The following IGF1R variants were observed in gnomAD, a reference collection of about 807,000 sequenced individuals.
The protein encoded by IGF1R is insulin like growth factor 1 receptor, also known as insulin-like growth factor 1 receptor.
Under a neutral mutation model 144.6 loss-of-function variants are expected in IGF1R, and 44 were observed. That is an observed-to-expected ratio of 0.30 (90% CI 0.24 to 0.39). IGF1R has a LOEUF of 0.39. IGF1R is among the 10% of genes least tolerant of loss of function. IGF1R has a pLI of 1.00. For missense variants in IGF1R, 1,355 were observed against 1,833.7 expected, an observed-to-expected ratio of 0.74 and a Z score of 4.77; for synonymous variants, 795 against 722.8, an observed-to-expected ratio of 1.10 and a Z score of -1.60.
chr15:98,648,545 T>G lies in IGF1R; in HGVS notation c.-1037T>G, dbSNP rs1481150561. On this transcript the variant is annotated 5_prime_UTR_variant, in exon 1 of 21. Transcript: ENST00000650285. ...CGCGCGCGCGCGAGCCCCCAGTGTGTGGCAGCGGCGGCGGCGGCGCGGCGA... is the reference window on the plus strand; with the variant it reads ...CGCGCGCGCGCGAGCCCCCAGTGTGGGGCAGCGGCGGCGGCGGCGCGGCGA... Among the ~76,000 whole-genome samples the G allele has an allele frequency of 1.1e-4, 16 of 142,690 alleles. No individual in the cohort carries two copies. Among genetic ancestry groups the G allele is most frequent in the Admixed American group, 1.1e-3 (16 of 14,572 alleles). The allele number at this position is 142,690 out of a possible 152,430, so 93.6% of individuals were successfully genotyped here.
intron 2 of IGF1R, among the ~76,000 whole-genome samples, chr15:98,750,959 TTG>T (rs537594000): frequency 0.01 from 1,542 of 151,288 alleles, 25 homozygotes; most frequent in Non-Finnish European, 0.012. Flanking sequence ...CAGCTAATTT[TTG>T]TGTTTTTTTT....
At chr15:98,753,076 C>T (rs1369865612) in intron 2 of IGF1R, among the ~76,000 whole-genome samples, 2 of 151,756 alleles carry the variant, frequency 1.3e-5, no homozygotes, top group African/African-American at 2.4e-5. Context: ...GCTAGGACTA[C>T]AGGCACGTGC....
At chr15:98,651,346 T>TG (rs747478752) in intron 1 of IGF1R, among the ~76,000 whole-genome samples, 2 of 152,244 alleles carry the variant, frequency 1.3e-5, no homozygotes, top group Non-Finnish European at 2.9e-5. Context: ...TCCACAGATC[T>TG]GGGCTCTCCT....
At chr15:98,736,244 G>A (rs1395205614) in intron 2 of IGF1R, among the ~76,000 whole-genome samples, 1 of 152,144 alleles carries the variant, frequency 6.6e-6, no homozygotes, top group African/African-American at 2.4e-5. Context: ...AATTACATTT[G>A]CTCTGAAAAG....
At chr15:98,795,379 C>CACACA (rs1481268711) in intron 2 of IGF1R, among the ~76,000 whole-genome samples, 2 of 151,766 alleles carry the variant, frequency 1.3e-5, no homozygotes. Context: ...ATTAGATTAG[C>CACACA]ATTATTATGT....
intron 20 of IGF1R, among the ~76,000 whole-genome samples, chr15:98,954,642 C>T (rs1023731948): frequency 5.9e-5 from 9 of 152,166 alleles, no homozygotes; most frequent in African/African-American, 1.4e-4. Flanking sequence ...TGTGGCACCT[C>T]CTCGGTCCCT....
At position 98,704,075 on chromosome 15, in the gene IGF1R, C is replaced by A. The variant is rs572608045; in HGVS notation, c.95-3487C>A. ...TTAGTGTCCCCAGGGGAAAAAAGAC[C>A]CTCCCGGCCCCCTTCAGCTGTGATG... On this transcript the variant is annotated intron_variant, in intron 1 of 20. Transcript: ENST00000650285. This position sits in a 1 kb window ranked among gnomAD's most constrained non-coding sequence, Gnocchi z 4.9. Among the ~76,000 whole-genome samples, 1 of 152,264 alleles carries A rather than the reference C, an allele frequency of 6.6e-6. No homozygotes were observed. The highest frequency in any genetic ancestry group is 1.9e-4 in the East Asian group (1 of 5,180).
chr15:98,715,366 G>A (rs553652902), intron 2 of IGF1R, among the ~76,000 whole-genome samples: 9 of 152,280 alleles, frequency 5.9e-5, no homozygotes, highest in Admixed American at 4.6e-4. Flanking sequence ...TAGGGATCTC[G>A]TCTAAGAGAC....
chr15:98,866,286 A>G (rs1347769756), intron 2 of IGF1R, among the ~76,000 whole-genome samples: 1 of 152,166 alleles, frequency 6.6e-6, no homozygotes, highest in African/African-American at 2.4e-5. Context: ...CCGTGTACCC[A>G]GTAAATGCAG....
In IGF1R at chr15:98,891,284, C is replaced by T; in HGVS notation, c.641-41C>T. The T allele has an allele frequency of 6.3e-7, 1 of 1,591,392 alleles. No homozygotes were observed. Among genetic ancestry groups the T allele is most frequent in the Non-Finnish European group, 8.5e-7 (1 of 1,173,012 alleles). ...CCAGGCCCAGAGAAGGCGGTGCCTC[C>T]CCTGCCCGGTCTCATCTCCGTCTCT... On this transcript the variant is annotated intron_variant, in intron 2 of 20. Transcript: ENST00000650285. The surrounding 1 kb of genome is among the most constrained non-coding windows in gnomAD (Gnocchi z 4.7).
intron 2 of IGF1R, among the ~76,000 whole-genome samples, chr15:98,815,980 G>A (rs2056688898): frequency 6.6e-6 from 1 of 152,164 alleles, no homozygotes; most frequent in Admixed American, 6.5e-5. Flanking sequence ...CCTTCCCTGT[G>A]TTCATTTCTG....
At chr15:98,875,120 G>GGCTCCGGGACGAGGAT (rs2012989317) in intron 2 of IGF1R, among the ~76,000 whole-genome samples, 1 of 151,916 alleles carries the variant, frequency 6.6e-6, no homozygotes, top group South Asian at 2.1e-4. Flanking sequence ...CCAGGTCCTC[G>GGCTCCGGGACGAGGAT]GCTCCGGGAC....
intron 1 of IGF1R, among the ~76,000 whole-genome samples, chr15:98,706,109 A>G (rs1048001285): frequency 2.0e-5 from 3 of 152,148 alleles, no homozygotes; most frequent in African/African-American, 7.2e-5. Flanking sequence ...TCACATCTAG[A>G]GTGGACTCGC....
chr15:98,676,145 A>T (rs984624628), intron 1 of IGF1R, among the ~76,000 whole-genome samples: 1 of 151,034 alleles, frequency 6.6e-6, no homozygotes, highest in Non-Finnish European at 1.5e-5. Flanking sequence ...ACTCTATTTT[A>T]TTAGTGTTTT....
chr15:98,750,790 G>GT (rs1308773442), intron 2 of IGF1R, among the ~76,000 whole-genome samples: 1 of 152,146 alleles, frequency 6.6e-6, no homozygotes, highest in Non-Finnish European at 1.5e-5. Context: ...TTTTCTTCTA[G>GT]TTTTTTGTTT....
At chr15:98,684,261 T>TAC (rs1555431504) in intron 1 of IGF1R, among the ~76,000 whole-genome samples, 1 of 68,850 alleles carries the variant, frequency 1.5e-5, no homozygotes, top group African/African-American at 1.0e-4. Context: ...TGGCAGCCTC[T>TAC]GATAGATCTT....
Position 98,707,441 on chromosome 15 carries a change from T to C in IGF1R, c.95-121T>C. The stretch of plus-strand genomic sequence containing the variant: ...AACCCACAGCTCTGCAGTGAACAAT[T>C]GAACCTCATTTCTTTAATAATAATA... On this transcript the variant is annotated intron_variant, in intron 1 of 20. Transcript: ENST00000650285. This position sits in a 1 kb window ranked among gnomAD's most constrained non-coding sequence, Gnocchi z 6.7. The C allele has an allele frequency of 9.5e-7, 1 of 1,052,460 alleles. No individual in the cohort carries two copies. Among genetic ancestry groups the C allele is most frequent in the Non-Finnish European group, 1.4e-6 (1 of 699,222 alleles). The allele number at this position is 1,052,460 out of a possible 1,614,324, so 65.2% of individuals were successfully genotyped here.
chr15:98,950,418 A>G (rs982641916), intron 20 of IGF1R, among the ~76,000 whole-genome samples: 1 of 152,214 alleles, frequency 6.6e-6, no homozygotes, highest in Admixed American at 6.5e-5. Context: ...TCAAGATGTC[A>G]GTGGGGCTGC....
chr15:98,735,290 T>C (rs1252018794), intron 2 of IGF1R, among the ~76,000 whole-genome samples: 2 of 152,178 alleles, frequency 1.3e-5, no homozygotes, highest in Non-Finnish European at 2.9e-5. Context: ...GCACTGTGGG[T>C]CCACTTAATG....
Sources: allele counts gnomAD v4.1 joint callset (sites outside exome capture counted in the v4.1 genomes callset), GRCh38; gene constraint gnomAD v4.1.1; non-coding constraint Gnocchi (gnomAD v3.1); transcripts MANE v1.5; gene names NCBI Gene and HGNC (gene_info 2026-07-23, HGNC 2026-07-21).